Variants in GFM2 observed in about 807,000 individuals in gnomAD.
GFM2 encodes the protein GTP dependent ribosome recycling factor mitochondrial 2, also known as ribosome-releasing factor 2, mitochondrial.
A neutral mutation model predicts 95.4 loss-of-function variants in GFM2; 72 were observed. That is an observed-to-expected ratio of 0.76 (90% confidence interval 0.62 to 0.92). GFM2 has a LOEUF of 0.92. Among genes scored for constraint, GFM2 ranks in the 40% least tolerant of loss-of-function variants. The probability of loss-of-function intolerance (pLI) is 0.00; values close to 1 mark genes in which losing one functional copy is unlikely to be tolerated. For missense variants in GFM2, 825 were observed against 924.1 expected, an observed-to-expected ratio of 0.89 and a Z score of 1.39; for synonymous variants, 276 against 317.5, an observed-to-expected ratio of 0.87 and a Z score of 1.39.
At chr5:74,754,699 C>A (rs1272932582) in intron 5 of GFM2, among the ~76,000 whole-genome samples, 1 of 152,070 alleles carries the variant, frequency 6.6e-6, no homozygotes, top group Non-Finnish European at 1.5e-5. Context: ...CATTGCAGCT[C>A]CCAAATTTAT....
At chr5:74,765,977 C>A (rs550320062) in intron 1 of GFM2, among the ~76,000 whole-genome samples, 1 of 151,474 alleles carries the variant, frequency 6.6e-6, no homozygotes, top group East Asian at 2.0e-4. Context: ...CCAGCCTGTG[C>A]GACAAGATTG....
chr5:74,760,601 A>G (rs1467299799), intron 3 of GFM2, among the ~76,000 whole-genome samples: 4 of 152,256 alleles, frequency 2.6e-5, no homozygotes, highest in Non-Finnish European at 5.9e-5. Context: ...AACTAGAAAA[A>G]GAAATTCACA....
intron 4 of GFM2, 106 bp downstream of exon 4, chr5:74,759,263 G>C: frequency 1.4e-6 from 1 of 716,210 alleles, no homozygotes. Context: ...AAATTGGCTA[G>C]GGCAGAAAGT....
At chr5:74,722,874 TGTCTATA>T (rs2112199828) in intron 19 of GFM2, among the ~76,000 whole-genome samples, 1 of 152,154 alleles carries the variant, frequency 6.6e-6, no homozygotes, top group African/African-American at 2.4e-5. Flanking sequence ...CTGTTCCTGA[TGTCTATA>T]ATTACAGTCC....
intron 15 of GFM2, among the ~76,000 whole-genome samples, chr5:74,733,569 A>G (rs1742683323): frequency 6.6e-6 from 1 of 152,126 alleles, no homozygotes; most frequent in Non-Finnish European, 1.5e-5. Context: ...GAGCAAGAAG[A>G]CTAGCAGCTA....
chr5:74,747,402 A>C (rs1275075750), intron 8 of GFM2, among the ~76,000 whole-genome samples: 1 of 152,236 alleles, frequency 6.6e-6, no homozygotes, highest in Non-Finnish European at 1.5e-5. Context: ...TCTAAAGAGA[A>C]TCAATGGAAT....
chr5:74,740,682 C>G (rs1361093170), intron 11 of GFM2, among the ~76,000 whole-genome samples: 1 of 152,094 alleles, frequency 6.6e-6, no homozygotes, highest in Non-Finnish European at 1.5e-5. Flanking sequence ...TCTCTGAAAA[C>G]ATAAATCATG....
chr5:74,728,748 CTTT>C (rs57180600), intron 17 of GFM2, among the ~76,000 whole-genome samples: 6 of 58,234 alleles, frequency 1.0e-4, no homozygotes, highest in Non-Finnish European at 2.1e-4. Flanking sequence ...GTGGGGGTTT[CTTT>C]TTTTTTTTTT....
At chr5:74,739,968 T>C in intron 12 of GFM2, 21 bp downstream of exon 12, 2 of 1,443,252 alleles carry the variant, frequency 1.4e-6, no homozygotes, top group South Asian at 1.6e-5. Context: ...AGAATTTTAA[T>C]ATATGTGATT....
chr5:74,728,304 T>C (rs1272942475), intron 17 of GFM2, among the ~76,000 whole-genome samples: 2 of 152,130 alleles, frequency 1.3e-5, no homozygotes, highest in Non-Finnish European at 2.9e-5. Context: ...GTATTTTATA[T>C]TGTATTTTTA....
In GFM2 at chr5:74,736,895, G is replaced by C; in HGVS notation, c.1411C>G (p.Gln471Glu). The C allele has an allele frequency of 1.2e-6, 2 of 1,613,850 alleles. No individual in the cohort carries two copies. Among genetic ancestry groups the C allele is most frequent in the Non-Finnish European group, 1.7e-6 (2 of 1,179,830 alleles). ...AAAAGTCTCTCTGCTTCATTGTTTT[G>C]TCTGTGCTTCTTTTCTCCCTCCCGT... ...AEREGEKKHR[Q>E]NNEAERLLLA... Residue 471 changes from glutamine (Q) to glutamate (E), a missense_variant, in exon 15 of 21, where the codon CAA (glutamine) becomes GAA (glutamate). Physicochemically the swap from Gln to Glu is conservative, Grantham distance 29. Coordinates refer to ENST00000296805, the MANE Select transcript of GFM2 (RefSeq NM_032380.5).
At chr5:74,742,813 C>T (rs184903455) in intron 10 of GFM2, among the ~76,000 whole-genome samples, 9 of 152,126 alleles carry the variant, frequency 5.9e-5, no homozygotes, top group Admixed American at 2.6e-4. Context: ...ATTACAGGCG[C>T]GTGCCACCAC....
Position 74,722,511 on chromosome 5 carries a change from C to G in GFM2, c.2079G>C (p.Glu693Asp). Residue 693 changes from glutamate (E) to aspartate (D), a missense_variant, in exon 20 of 21, where the codon GAG becomes GAC. Coordinates refer to ENST00000296805, the MANE Select transcript of GFM2 (RefSeq NM_032380.5). ...KQVLEPLMNL[E>D]VTVARDYLSP... ...TGAGATAATCTCTAGCTACTGTAAC[C>G]TCAAGATTCATCAGAGGCTCCAAAA... The G allele has an allele frequency of 1.9e-6, 3 of 1,613,934 alleles. No individual in the cohort carries two copies. The highest frequency in any genetic ancestry group is 2.5e-6 in the Non-Finnish European group (3 of 1,179,914).
chr5:74,758,918 T>C lies in GFM2; in HGVS notation c.235A>G (p.Ile79Val). 1 of 1,608,656 alleles carries C rather than the reference T, an allele frequency of 6.2e-7. No homozygotes were observed. ...KIRNIGIMAH[I>V]DAGKTTTTER... ...GTGGTGGTAGTTTTGCCTGCATCAA[T>C]ATGAGCCATAATTCCAATATTACGG... Residue 79 changes from isoleucine (I) to valine (V), a missense_variant, in exon 5 of 21, where the codon ATT becomes GTT. Transcript: ENST00000296805.
In GFM2 at chr5:74,733,104, G is replaced by A. The variant is rs1486656809; in HGVS notation, c.1511-6C>T. On this transcript the variant is annotated splice_polypyrimidine_tract_variant and splice_region_variant and intron_variant, in intron 15 of 20. Transcript: ENST00000296805. ...TTTCAACGCATGTTCCAAATCTATG[G>A]GATAAACAACTGTTATCTTTACATT... The A allele has an allele frequency of 6.3e-7, 1 of 1,595,224 alleles. No homozygotes were observed. Among genetic ancestry groups the A allele is most frequent in the South Asian group, 1.1e-5 (1 of 90,684 alleles).
At position 74,740,423 on chromosome 5, in the gene GFM2, A is replaced by G. The variant is rs1447452; in HGVS notation, c.931-286T>C. On this transcript the variant is annotated intron_variant, in intron 11 of 20. Coordinates refer to ENST00000296805, the MANE Select transcript of GFM2 (RefSeq NM_032380.5). ...GTGGTTAAAACAGGTGCTTAAAAAT[A>G]TTTCTTGAATAAATGAATATACTTG... is the stretch of plus-strand genomic sequence containing the variant. Among the ~76,000 whole-genome samples, 3,676 of 152,278 alleles carry G rather than the reference A, an allele frequency of 0.024. 152 individuals carry two copies. Among genetic ancestry groups the G allele is most frequent in the African/African-American group, 0.084 (3,488 of 41,564 alleles).
rs16872228 is a variant in GFM2 at position 74,731,872 on chromosome 5, C to T, written c.1587+1150G>A. Reference sequence around the variant, plus strand: ...AGAATGAGATGGAGGAACAGAGAAACGGACTTAATTATTTACTTGGTAGAT... The same window carrying T: ...AGAATGAGATGGAGGAACAGAGAAATGGACTTAATTATTTACTTGGTAGAT... On this transcript the variant is annotated intron_variant, in intron 16 of 20. Transcript: ENST00000296805. 3.4e-3 allele frequency among the ~76,000 whole-genome samples: 508 copies of T among 150,536 alleles called. 4 individuals carry two copies. Among genetic ancestry groups the T allele is most frequent in the African/African-American group, 0.012 (483 of 41,052 alleles).
chr5:74,724,927 G>A (rs943933251), intron 19 of GFM2, among the ~76,000 whole-genome samples: 8 of 152,102 alleles, frequency 5.3e-5, no homozygotes, highest in Admixed American at 2.0e-4. Context: ...GGCAGGAAGC[G>A]GAGGGTCCAC....
chr5:74,731,039 G>A (rs573613105), intron 16 of GFM2, among the ~76,000 whole-genome samples: 19 of 152,134 alleles, frequency 1.2e-4, no homozygotes, highest in Admixed American at 1.2e-3. Context: ...TCTCGAACTC[G>A]TGACCTCAGG....
Sources: gnomAD v4.1 joint callset for allele counts (sites outside exome capture counted in the v4.1 genomes callset) on GRCh38, gnomAD v4.1.1 for gene constraint, MANE v1.5 for transcripts, NCBI Gene and HGNC (gene_info 2026-07-23, HGNC 2026-07-21) for gene names.